Variants in SLC16A10 observed in about 807,000 individuals in gnomAD.
SLC16A10 encodes the protein monocarboxylate transporter 10.
SLC16A10 carries 27 observed loss-of-function variants against 40.0 expected under a neutral mutation model. The ratio of observed to expected loss-of-function variants is 0.67; its 90% CI spans 0.50 to 0.93. The LOEUF is 0.93. SLC16A10 is among the 40% of genes least tolerant of loss of function. The pLI, the probability that SLC16A10 is intolerant of heterozygous loss-of-function variation, is 0.00. For missense variants in SLC16A10, 529 were observed against 658.2 expected, an observed-to-expected ratio of 0.80 and a Z score of 2.15; for synonymous variants, 213 against 249.8, an observed-to-expected ratio of 0.85 and a Z score of 1.39.
At chr6:111,204,628 A>C (rs1430649461) in intron 3 of SLC16A10, among the ~76,000 whole-genome samples, 1 of 152,198 alleles carries the variant, frequency 6.6e-6, no homozygotes, top group African/African-American at 2.4e-5. Flanking sequence ...AACCTGTCCT[A>C]CTGGGCCAGA....
rs534403538 is a variant in SLC16A10 at position 111,212,213 on chromosome 6, G to A, written c.1086+5478G>A. Among the ~76,000 whole-genome samples, 11 of 152,294 alleles carry A rather than the reference G, an allele frequency of 7.2e-5. No individual in the cohort carries two copies. The South Asian group carries it at 1.9e-3, about 26-fold the overall frequency. ...CCACCAACTTGAGAATCAGCAGAGG[G>A]CTGTGGTGAGGATTCTTGGTGGCAG... On this transcript the variant is annotated intron_variant, in intron 4 of 5. Transcript: ENST00000368851.
At chr6:111,221,904 G>T in intron 5 of SLC16A10, 99 bp from the exon 6 acceptor site, 11 of 983,718 alleles carry the variant, frequency 1.1e-5, no homozygotes, top group Non-Finnish European at 1.3e-5. Flanking sequence ...AAAAAAAAAA[G>T]TCTGATGTCT....
At chr6:111,145,923 G>A (rs892967881) in intron 1 of SLC16A10, among the ~76,000 whole-genome samples, 6 of 152,112 alleles carry the variant, frequency 3.9e-5, no homozygotes, top group Admixed American at 3.9e-4. Flanking sequence ...TATTAAATAT[G>A]ACATTAAAAG....
intron 1 of SLC16A10, among the ~76,000 whole-genome samples, chr6:111,151,369 T>C (rs932746056): frequency 6.6e-6 from 1 of 152,166 alleles, no homozygotes; most frequent in African/African-American, 2.4e-5. Flanking sequence ...ACCACGTAGC[T>C]AAATCTCTTA....
intron 1 of SLC16A10, among the ~76,000 whole-genome samples, chr6:111,114,639 A>G (rs183297345): frequency 6.6e-6 from 1 of 152,342 alleles, no homozygotes; most frequent in Admixed American, 6.5e-5. Flanking sequence ...AAGCATGCAT[A>G]GGAATGCTAT....
At chr6:111,176,463 T>A (rs1441460000) in intron 2 of SLC16A10, among the ~76,000 whole-genome samples, 1 of 152,266 alleles carries the variant, frequency 6.6e-6, no homozygotes, top group Non-Finnish European at 1.5e-5. Flanking sequence ...TTGGTTAAAC[T>A]GTAAGATTAT....
At chr6:111,195,489 C>A (rs560436610) in intron 3 of SLC16A10, among the ~76,000 whole-genome samples, 19 of 151,938 alleles carry the variant, frequency 1.3e-4, no homozygotes, top group African/African-American at 4.6e-4. Context: ...GTTAAAATGG[C>A]AAATTTTATG....
rs1224356945 is a variant in SLC16A10, at chr6:111,226,292, A to AG, written c.*4060dup. On this transcript the variant is annotated 3_prime_UTR_variant, in exon 6 of 6. Coordinates refer to ENST00000368851, the MANE Select transcript of SLC16A10 (RefSeq NM_018593.5). ...TCTTAGTTCCGAGAGCCCAGCATGA[A>AG]GGGTGACTGGGAATGTAGTGTGCCT... 3 of 152,166 alleles carry AG rather than the reference A, an allele frequency of 2.0e-5. No homozygotes were observed. Among genetic ancestry groups the AG allele is most frequent in the African/African-American group, 7.2e-5 (3 of 41,444 alleles). The allele number at this position is 152,166 out of a possible 1,614,324, so 9.4% of individuals were successfully genotyped here.
chr6:111,186,632 T>A (rs1207086417), intron 3 of SLC16A10, among the ~76,000 whole-genome samples: 1 of 152,148 alleles, frequency 6.6e-6, no homozygotes, highest in Non-Finnish European at 1.5e-5. Flanking sequence ...CTAAGGATCA[T>A]AGAGCATAAG....
chr6:111,106,037 AT>A (rs1174716100), intron 1 of SLC16A10, among the ~76,000 whole-genome samples: 2 of 152,202 alleles, frequency 1.3e-5, no homozygotes, highest in African/African-American at 4.8e-5. Flanking sequence ...GTAAGGTGGT[AT>A]TTTGACCACA....
At chr6:111,123,230 C>T (rs776744556) in intron 1 of SLC16A10, among the ~76,000 whole-genome samples, 1 of 152,152 alleles carries the variant, frequency 6.6e-6, no homozygotes, top group Non-Finnish European at 1.5e-5. Context: ...CTCTAACCCA[C>T]TCTTCCCTTC....
At chr6:111,203,423 C>A (rs769295124) in intron 3 of SLC16A10, among the ~76,000 whole-genome samples, 2 of 152,072 alleles carry the variant, frequency 1.3e-5, no homozygotes, top group Non-Finnish European at 2.9e-5. Flanking sequence ...ATGGCAGTAA[C>A]AAAATTCGGT....
chr6:111,172,962 A>G (rs1562421677), intron 2 of SLC16A10, 123 bp downstream of exon 2: 10 of 1,240,732 alleles, frequency 8.1e-6, no homozygotes, highest in East Asian at 4.7e-5. Context: ...ACTTTAAGCA[A>G]TATGACTTAT....
At position 111,227,999 on chromosome 6, in the gene SLC16A10, T is replaced by C. The variant is rs572125995; in HGVS notation, c.*5764T>C. On this transcript the variant is annotated 3_prime_UTR_variant, in exon 6 of 6. Transcript: ENST00000368851. ...CAGTAAAATTTCTTAAGTGCTTTGT[T>C]CTGATAAACGGATGTAAAAGTAACA... The C allele has an allele frequency of 1.3e-5, 2 of 152,308 alleles. No individual in the cohort carries two copies. The highest frequency in any genetic ancestry group is 6.8e-3 in the Middle Eastern group (2 of 294). 9.4% of individuals were successfully genotyped at this position (152,308 alleles called of 1,614,324 possible). A position where few individuals can be genotyped will look rare whatever the true frequency, so the allele number is the denominator to read the frequency against.
intron 1 of SLC16A10, among the ~76,000 whole-genome samples, chr6:111,114,597 T>C (rs1395368387): frequency 6.6e-6 from 1 of 152,216 alleles, no homozygotes; most frequent in African/African-American, 2.4e-5. Flanking sequence ...AAATGTATTT[T>C]ATTGAAGCAT....
intron 1 of SLC16A10, among the ~76,000 whole-genome samples, chr6:111,137,582 C>T (rs765554416): frequency 2.6e-5 from 4 of 152,228 alleles, no homozygotes; most frequent in Non-Finnish European, 4.4e-5. Flanking sequence ...ACCCTTGGAC[C>T]GGCCTGCTAG....
chr6:111,218,918 A>G lies in SLC16A10; in HGVS notation c.1191A>G (p.Gly397=), dbSNP rs778853104. Residue 397 remains glycine (G), a synonymous_variant, in exon 5 of 6, where the codon GGA becomes GGG. Coordinates refer to ENST00000368851, the MANE Select transcript of SLC16A10 (RefSeq NM_018593.5). The part of the protein sequence containing the change: ...AVCLIMGLFD[G]CFISIMAPIA... Reference sequence around the variant, plus strand: ...GCCTCATCATGGGTCTCTTCGATGGATGCTTCATTTCCATTATGGCTCCCA... The same window carrying G: ...GCCTCATCATGGGTCTCTTCGATGGGTGCTTCATTTCCATTATGGCTCCCA... 1.9e-6 allele frequency: 3 copies of G among 1,613,844 alleles called. No homozygotes were observed. The highest frequency in any genetic ancestry group is 2.5e-6 in the Non-Finnish European group (3 of 1,179,960).
At chr6:111,206,372 C>T (rs564265979) in intron 3 of SLC16A10, among the ~76,000 whole-genome samples, 1 of 152,014 alleles carries the variant, frequency 6.6e-6, no homozygotes, top group Non-Finnish European at 1.5e-5. Flanking sequence ...CCACCATGCC[C>T]GGCCTTAAAA....
At chr6:111,092,821 C>A (rs780200618) in intron 1 of SLC16A10, among the ~76,000 whole-genome samples, 109 of 151,208 alleles carry the variant, frequency 7.2e-4, no homozygotes, top group South Asian at 1.5e-3. Context: ...AGGTGGATCA[C>A]CTGAGGTCAG....
Sources: allele counts gnomAD v4.1 joint callset (sites outside exome capture counted in the v4.1 genomes callset), GRCh38; gene constraint gnomAD v4.1.1; transcripts MANE v1.5; gene names NCBI Gene and HGNC (gene_info 2026-07-23, HGNC 2026-07-21).